Variants in AGO2 observed in about 807,000 individuals in gnomAD.
AGO2 encodes the protein argonaute RISC catalytic component 2, also known as protein argonaute-2.
Under a neutral mutation model 102.3 loss-of-function variants are expected in AGO2, and 5 were observed. That is an observed-to-expected ratio of 0.05 (90% CI 0.03 to 0.10). The LOEUF is 0.10. AGO2 is among the 10% of genes least tolerant of loss of function. The probability of loss-of-function intolerance (pLI) is 1.00; values close to 1 mark genes in which losing one functional copy is unlikely to be tolerated. For synonymous variants in AGO2, 449 were observed against 473.1 expected, an observed-to-expected ratio of 0.95 and a Z score of 0.66; for missense variants, 541 against 1,183.7, an observed-to-expected ratio of 0.46 and a Z score of 7.97.
intron 11 of AGO2, 51 bp downstream of exon 11, chr8:140,551,252 G>T: frequency 1.4e-6 from 2 of 1,441,386 alleles, no homozygotes; most frequent in Non-Finnish European, 9.2e-7. Flanking sequence ...CACTTGAGCT[G>T]CCCATCGGGC....
intron 1 of AGO2, among the ~76,000 whole-genome samples, chr8:140,594,025 C>T (rs538060563): frequency 6.6e-6 from 1 of 152,336 alleles, no homozygotes; most frequent in Non-Finnish European, 1.5e-5. Context: ...CGGTGCCAAG[C>T]CCTGCACTAA....
intron 14 of AGO2, among the ~76,000 whole-genome samples, chr8:140,542,628 G>A (rs2072820833): frequency 6.6e-6 from 1 of 151,110 alleles, no homozygotes; most frequent in East Asian, 1.9e-4. Context: ...ATAGTTGAAT[G>A]CTTCATAACA....
chr8:140,563,941 C>T (rs534160361), intron 3 of AGO2, among the ~76,000 whole-genome samples: 6 of 152,374 alleles, frequency 3.9e-5, no homozygotes, highest in East Asian at 3.9e-4. Context: ...CCAGACTCTG[C>T]GGGCGTCACC....
intron 16 of AGO2, among the ~76,000 whole-genome samples, chr8:140,536,825 A>G (rs1448870432): frequency 6.6e-6 from 1 of 152,158 alleles, no homozygotes; most frequent in African/African-American, 2.4e-5. Flanking sequence ...ACAGGGGAAG[A>G]CACCCAAGGC....
chr8:140,593,523 G>A (rs928058466), intron 1 of AGO2, among the ~76,000 whole-genome samples: 4 of 141,740 alleles, frequency 2.8e-5, no homozygotes, highest in Non-Finnish European at 3.0e-5. Context: ...CTCATGCCTC[G>A]TATCTGTGCT....
intron 1 of AGO2, among the ~76,000 whole-genome samples, chr8:140,611,026 C>G (rs773824057): frequency 6.6e-6 from 1 of 152,222 alleles, no homozygotes. Flanking sequence ...GAGAGTTAAA[C>G]AGAACAGGAG....
At chr8:140,632,965 T>A (rs934279656) in intron 1 of AGO2, among the ~76,000 whole-genome samples, 1 of 151,252 alleles carries the variant, frequency 6.6e-6, no homozygotes, top group Non-Finnish European at 1.5e-5. Context: ...CAGGCTGGAG[T>A]GCAGTGGCGC....
At chr8:140,568,450 G>A (rs1340569270) in intron 3 of AGO2, among the ~76,000 whole-genome samples, 1 of 152,150 alleles carries the variant, frequency 6.6e-6, no homozygotes, top group African/African-American at 2.4e-5. Flanking sequence ...GGGAGCGAGG[G>A]AGGCACTGCA....
chr8:140,608,000 G>T (rs910165971), intron 1 of AGO2, among the ~76,000 whole-genome samples: 1 of 152,158 alleles, frequency 6.6e-6, no homozygotes, highest in African/African-American at 2.4e-5. Context: ...GCTCCTTTAT[G>T]CTCCCCCTGG....
intron 1 of AGO2, among the ~76,000 whole-genome samples, chr8:140,607,317 T>C (rs2074010298): frequency 6.6e-6 from 1 of 151,638 alleles, no homozygotes; most frequent in Admixed American, 6.6e-5. Context: ...TCCCAGCTAC[T>C]CAGGAGGCTG....
rs959334046 is a variant in AGO2, at chr8:140,528,131, T to G, written c.*3913A>C. ...GCAGATCAATGTAAAATTACATTGCTGCATATATAAGAAAAACAATTCATC... is the reference window on the plus strand; with the variant it reads ...GCAGATCAATGTAAAATTACATTGCGGCATATATAAGAAAAACAATTCATC... On this transcript the variant is annotated 3_prime_UTR_variant, in exon 19 of 19. Coordinates refer to ENST00000220592, the MANE Select transcript of AGO2 (RefSeq NM_012154.5). The surrounding 1 kb of genome is among the most constrained non-coding windows in gnomAD (Gnocchi z 4.5). 6.6e-6 allele frequency: 1 copy of G among 152,246 alleles called. No individual in the cohort carries two copies. Among genetic ancestry groups the G allele is most frequent in the East Asian group, 1.9e-4 (1 of 5,200 alleles). 9.4% of individuals were successfully genotyped at this position (152,246 alleles called of 1,614,324 possible). A position where few individuals can be genotyped will look rare whatever the true frequency, so the allele number is the denominator to read the frequency against.
At chr8:140,542,665 G>A (rs1278637141) in intron 14 of AGO2, among the ~76,000 whole-genome samples, 2 of 152,154 alleles carry the variant, frequency 1.3e-5, no homozygotes, top group African/African-American at 2.4e-5. Flanking sequence ...CAAAGCTAAC[G>A]GGGACCAGGT....
At chr8:140,560,341 G>A (rs749727526) in intron 5 of AGO2, 33 bp downstream of exon 5, 1 of 1,606,286 alleles carries the variant, frequency 6.2e-7, no homozygotes, top group Non-Finnish European at 8.5e-7. Context: ...GCCCAACCCT[G>A]CCCTGCAGTG....
At chr8:140,586,728 CG>C (rs2073663698) in intron 1 of AGO2, among the ~76,000 whole-genome samples, 1 of 152,220 alleles carries the variant, frequency 6.6e-6, no homozygotes, top group Non-Finnish European at 1.5e-5. Flanking sequence ...CTTCTCTCTA[CG>C]CCACACCGGA....
chr8:140,616,676 T>C (rs1450543577), intron 1 of AGO2, among the ~76,000 whole-genome samples: 2 of 152,196 alleles, frequency 1.3e-5, no homozygotes, highest in Non-Finnish European at 1.5e-5. Flanking sequence ...GCAGCAGCAG[T>C]GGGCAGGGCC....
upstream of AGO2, among the ~76,000 whole-genome samples, chr8:140,639,430 G>A (rs113180627): frequency 3.4e-3 from 517 of 151,042 alleles, 4 homozygotes; most frequent in African/African-American, 0.011. Flanking sequence ...GCAGTGAGCC[G>A]AGATTGTGCC....
At chr8:140,568,857 T>C (rs1286460396) in intron 3 of AGO2, among the ~76,000 whole-genome samples, 1 of 152,118 alleles carries the variant, frequency 6.6e-6, no homozygotes, top group East Asian at 1.9e-4. Flanking sequence ...CCAGCTTGTA[T>C]TGGGGTGGGC....
At chr8:140,639,627 G>A (rs2074429760), upstream of AGO2, among the ~76,000 whole-genome samples, 1 of 152,004 alleles carries the variant, frequency 6.6e-6, no homozygotes, top group Non-Finnish European at 1.5e-5. Context: ...AAAAAAATTA[G>A]CTGAACATGG....
intron 1 of AGO2, among the ~76,000 whole-genome samples, chr8:140,591,080 T>C (rs116033367): frequency 0.037 from 5,694 of 152,314 alleles, 365 homozygotes; most frequent in African/African-American, 0.13. Flanking sequence ...GGTGCAGCTC[T>C]GGGTGCAGCC....
Sources: gnomAD v4.1 joint callset for allele counts (sites outside exome capture counted in the v4.1 genomes callset) on GRCh38, gnomAD v4.1.1 for gene constraint, Gnocchi (gnomAD v3.1) non-coding constraint, MANE v1.5 for transcripts, NCBI Gene and HGNC (gene_info 2026-07-23, HGNC 2026-07-21) for gene names.